HADHA: variants seen among roughly 807,000 people sequenced by gnomAD.
HADHA encodes hydroxyacyl-CoA dehydrogenase trifunctional multienzyme complex subunit alpha, also known as trifunctional enzyme subunit alpha, mitochondrial.
In HADHA, 59 loss-of-function variants were observed where a neutral mutation model predicts 91.3. The ratio of observed to expected loss-of-function variants is 0.65; its 90% CI spans 0.52 to 0.80. HADHA has a LOEUF of 0.80. Among genes scored for constraint, HADHA ranks in the 30% least tolerant of loss-of-function variants. HADHA has a pLI of 0.00. For synonymous variants in HADHA, 320 were observed against 338.9 expected, an observed-to-expected ratio of 0.94 and a Z score of 0.61; for missense variants, 800 against 927.6, an observed-to-expected ratio of 0.86 and a Z score of 1.79.
chr2:26,195,503 C>T (rs913675306), intron 14 of HADHA, among the ~76,000 whole-genome samples: 4 of 148,394 alleles, frequency 2.7e-5, no homozygotes, highest in Non-Finnish European at 4.4e-5. Flanking sequence ...AACCACAGCT[C>T]GAGGCCAAAC....
At chr2:26,227,963 G>A (rs1434308055) in intron 7 of HADHA, among the ~76,000 whole-genome samples, 1 of 151,530 alleles carries the variant, frequency 6.6e-6, no homozygotes, top group Non-Finnish European at 1.5e-5. Flanking sequence ...CTACAGGCAT[G>A]TGCCACCACA....
In HADHA at chr2:26,234,697, T is replaced by A. The variant is rs1670705576; in HGVS notation, c.315-342A>T. Among the ~76,000 whole-genome samples, 3 of 144,362 alleles carry A rather than the reference T, an allele frequency of 2.1e-5. No homozygotes were observed. In the South Asian group the frequency reaches 6.6e-4, roughly 32 times the overall value. The allele number at this position is 144,362 out of a possible 152,430, so 94.7% of individuals were successfully genotyped here. A position where few individuals can be genotyped will look rare whatever the true frequency, so the allele number is the denominator to read the frequency against. On this transcript the variant is annotated intron_variant, in intron 4 of 19. Coordinates refer to ENST00000380649, the MANE Select transcript of HADHA (RefSeq NM_000182.5). ...AGGAGAACAGTGTGAAACCGGGAGG[T>A]GGAGCTTGCAGTGAGCCGAGATCGC...
intron 1 of HADHA, among the ~76,000 whole-genome samples, chr2:26,240,512 G>A (rs1216091864): frequency 6.6e-6 from 1 of 152,174 alleles, no homozygotes; most frequent in African/African-American, 2.4e-5. Flanking sequence ...TAGCAAAACA[G>A]GGTAAAGTGG....
At chr2:26,218,662 T>C (rs1227955762) in intron 7 of HADHA, among the ~76,000 whole-genome samples, 2 of 152,034 alleles carry the variant, frequency 1.3e-5, no homozygotes. Flanking sequence ...ATGGGGAGTA[T>C]ACAAAATAAA....
chr2:26,212,378 C>A (rs1479344913), intron 10 of HADHA, 192 bp downstream of exon 10: 2 of 617,120 alleles, frequency 3.2e-6, no homozygotes, highest in East Asian at 2.9e-5. Flanking sequence ...TAAACCACCA[C>A]GCCTGGCCCC....
In HADHA at chr2:26,218,998, C is replaced by T. The variant is rs1187921383; in HGVS notation, c.677-3823G>A. 5.8e-5 allele frequency among the ~76,000 whole-genome samples: 4 copies of T among 69,196 alleles called. 1 individual carries two copies. The highest frequency in any genetic ancestry group is 1.0e-4 in the Non-Finnish European group (4 of 38,988). 45.4% of individuals were successfully genotyped at this position (69,196 alleles called of 152,430 possible). A position where few individuals can be genotyped will look rare whatever the true frequency, so the allele number is the denominator to read the frequency against. ...CTCCAGCCTGGGCAACAGAGCAAGA[C>T]TCCGTCTCAAAAAAAAAAAAAAAAA... On this transcript the variant is annotated intron_variant, in intron 7 of 19. Transcript: ENST00000380649.
chr2:26,236,907 C>T lies in HADHA; in HGVS notation c.262G>A (p.Ala88Thr). The T allele has an allele frequency of 1.2e-6, 2 of 1,611,184 alleles. No individual in the cohort carries two copies. Among genetic ancestry groups the T allele is most frequent in the East Asian group, 2.2e-5 (1 of 44,872 alleles). The change falls in exon 4 of 20, where the codon GCC (alanine) becomes ACC (threonine). Residue 88 changes from alanine to threonine, a missense_variant. Transcript: ENST00000380649. ...EIWASDQIRS[A>T]VLISSKPGCF... ...CCTGGCTTTGATGAGATAAGGACGG[C>T]ACTTCTGATTTGATCACTAGCCCAG...
At chr2:26,224,296 C>T (rs543636629) in intron 7 of HADHA, among the ~76,000 whole-genome samples, 2 of 152,192 alleles carry the variant, frequency 1.3e-5, no homozygotes, top group Non-Finnish European at 2.9e-5. Flanking sequence ...TGAATAAAGG[C>T]TCCACTGTTA....
Position 26,191,350 on chromosome 2 carries a change from T to A in HADHA, c.2192A>T (p.Asp731Val), listed in dbSNP as rs775428463. 6 of 1,614,000 alleles carry A rather than the reference T, an allele frequency of 3.7e-6. No homozygotes were observed. The highest frequency in any genetic ancestry group is 4.2e-6 in the Non-Finnish European group (5 of 1,180,036). The change falls in exon 20 of 20, where the codon GAC becomes GTC. Residue 731 changes from aspartate to valine, a missense_variant. Physicochemically the swap from Asp to Val is radical, Grantham distance 152. Coordinates refer to ENST00000380649, the MANE Select transcript of HADHA (RefSeq NM_000182.5). The part of the protein sequence containing the change: ...VDLYGAQKIV[D>V]RLKKYEAAYG... ...GGCAGCTTCATATTTCTTGAGCCGG[T>A]CCACTATCTTCTGGGCGCCATACAG... is the stretch of plus-strand genomic sequence containing the variant.
intron 11 of HADHA, among the ~76,000 whole-genome samples, chr2:26,206,226 AT>A (rs35956519): frequency 3.8e-3 from 527 of 139,542 alleles, no homozygotes; most frequent in African/African-American, 4.0e-3. Context: ...CAGACTGGCA[AT>A]TTTTTTTTTT....
chr2:26,197,920 A>G (rs1203506502), intron 13 of HADHA, 143 bp from the exon 14 acceptor site: 7 of 710,542 alleles, frequency 9.9e-6, no homozygotes, highest in African/African-American at 1.7e-5. Flanking sequence ...TCACCCAGAC[A>G]TTGACGGATC....
At chr2:26,193,293 C>CTTTT (rs370942158) in intron 17 of HADHA, among the ~76,000 whole-genome samples, 1,432 of 115,086 alleles carry the variant, frequency 0.012, 88 homozygotes, top group East Asian at 0.058. Flanking sequence ...CACATGACAT[C>CTTTT]TTTTTTTTTT....
chr2:26,207,751 G>A (rs1670005633), intron 11 of HADHA, among the ~76,000 whole-genome samples: 1 of 152,190 alleles, frequency 6.6e-6, no homozygotes, highest in Non-Finnish European at 1.5e-5. Context: ...TACCTTGTCT[G>A]TATACTAATT....
rs899391685 is a variant in HADHA, at chr2:26,210,017, G to T, written c.976-128C>A. 12 of 716,830 alleles carry T rather than the reference G, an allele frequency of 1.7e-5. No individual in the cohort carries two copies. Among genetic ancestry groups the T allele is most frequent in the Non-Finnish European group, 3.1e-5 (12 of 391,434 alleles). The allele number at this position is 716,830 out of a possible 1,614,324, so 44.4% of individuals were successfully genotyped here. A position where few individuals can be genotyped will look rare whatever the true frequency, so the allele number is the denominator to read the frequency against. The stretch of plus-strand genomic sequence containing the variant: ...AGCCTGAGTCCCTGGGGATGCGGGG[G>T]AGTTTGGGGGTTCAGTGCTGCAGAA... On this transcript the variant is annotated intron_variant, in intron 10 of 19. Coordinates refer to ENST00000380649, the MANE Select transcript of HADHA (RefSeq NM_000182.5). This position sits in a 1 kb window ranked among gnomAD's most constrained non-coding sequence, Gnocchi z 4.0.
At chr2:26,238,804 C>G (rs1670821501) in intron 3 of HADHA, 130 bp downstream of exon 3, 1 of 743,740 alleles carries the variant, frequency 1.3e-6, no homozygotes, top group African/African-American at 1.7e-5. Context: ...ACATAACTGT[C>G]AAAACTGTAA....
chr2:26,225,629 A>T (rs1342218456), intron 7 of HADHA, among the ~76,000 whole-genome samples: 1 of 152,178 alleles, frequency 6.6e-6, no homozygotes. Context: ...TTAATAGACT[A>T]AAAAAGAAGA....
chr2:26,197,583 C>T (rs1006990116), intron 14 of HADHA, 108 bp downstream of exon 14: 24 of 747,174 alleles, frequency 3.2e-5, no homozygotes, highest in Admixed American at 1.1e-4. Context: ...AGGAACCACC[C>T]GCATCCACTC....
chr2:26,234,259 A>G lies in HADHA; in HGVS notation c.411T>C (p.Ile137=), dbSNP rs1574625100. The G allele has an allele frequency of 2.5e-6, 4 of 1,613,952 alleles. No individual in the cohort carries two copies. The highest frequency in any genetic ancestry group is 3.4e-6 in the Non-Finnish European group (4 of 1,179,802). The stretch of plus-strand genomic sequence containing the variant: ...GGCAGGATCCATTGATGGCAGCCAC[A>G]ATAGGCTTTGTGGACTTTTCAAGTT... The part of the protein sequence containing the change: ...VEKLEKSTKP[I]VAAINGSCLG... The change falls in exon 5 of 20, where the codon ATT becomes ATC. Residue 137 remains isoleucine, a synonymous_variant. Transcript: ENST00000380649.
intron 4 of HADHA, chr2:26,235,209 T>C: frequency 6.6e-6 from 1 of 152,284 alleles, no homozygotes; most frequent in Non-Finnish European, 1.5e-5. Flanking sequence ...CTCGGGAGGC[T>C]GAGGCGAGAG....
Sources: gnomAD v4.1 joint callset for allele counts (sites outside exome capture counted in the v4.1 genomes callset) on GRCh38, gnomAD v4.1.1 for gene constraint, Gnocchi (gnomAD v3.1) non-coding constraint, MANE v1.5 for transcripts, NCBI Gene and HGNC (gene_info 2026-07-23, HGNC 2026-07-21) for gene names.